The following ROBO2 variants were observed in gnomAD, a reference collection of about 807,000 sequenced individuals.
ROBO2 encodes the protein roundabout guidance receptor 2, also known as roundabout homolog 2.
A neutral mutation model predicts 160.8 loss-of-function variants in ROBO2; 53 were observed. That is an observed-to-expected ratio of 0.33 (90% CI 0.26 to 0.41). The LOEUF is 0.41. Ranked by LOEUF, ROBO2 falls within the 10% of genes least tolerant of loss-of-function variation. The probability of loss-of-function intolerance (pLI) is 1.00; values close to 1 mark genes in which losing one functional copy is unlikely to be tolerated. For synonymous variants in ROBO2, 664 were observed against 611.7 expected (o/e 1.09, Z -1.26); for missense variants, 1,577 against 1,722.4 (o/e 0.92, Z 1.49).
intron 2 of ROBO2, among the ~76,000 whole-genome samples, chr3:76,917,213 T>C (rs2076375675): frequency 1.3e-5 from 2 of 152,160 alleles, no homozygotes; most frequent in African/African-American, 4.8e-5. Flanking sequence ...AAGCCTCCCA[T>C]TAAAGAAGAA....
chr3:77,493,222 T>G, intron 4 of ROBO2, 22 bp from the exon 5 acceptor site: 1 of 1,611,374 alleles, frequency 6.2e-7, no homozygotes, highest in Non-Finnish European at 8.5e-7. Context: ...CATTTTACCA[T>G]TGTTTCATTT....
At chr3:76,322,821 T>A (rs2072679031) in intron 2 of ROBO2, among the ~76,000 whole-genome samples, 2 of 152,174 alleles carry the variant, frequency 1.3e-5, no homozygotes, top group African/African-American at 4.8e-5. Flanking sequence ...GCAACCTTCT[T>A]ATCCATATCT....
intron 2 of ROBO2, among the ~76,000 whole-genome samples, chr3:76,536,665 C>A (rs1012117842): frequency 6.6e-6 from 1 of 152,080 alleles, no homozygotes; most frequent in Non-Finnish European, 1.5e-5. Context: ...GAAGGTCTGG[C>A]TCATGACGCT....
At chr3:76,955,489 G>T (rs564664981) in intron 2 of ROBO2, among the ~76,000 whole-genome samples, 1 of 152,162 alleles carries the variant, frequency 6.6e-6, no homozygotes, top group East Asian at 1.9e-4. Flanking sequence ...GGGTTCCAAT[G>T]TTTCCACATC....
At position 76,314,393 on chromosome 3, in the gene ROBO2, G is replaced by A. The variant is rs142366526; in HGVS notation, c.109+376791G>A. On this transcript the variant is annotated intron_variant, in intron 2 of 26. Transcript: ENST00000487694. ...ATAACTCTACAGAAAAGTTTACAATGCAGATGTTCAATATATACAACAAAA... is the reference window on the plus strand; with the variant it reads ...ATAACTCTACAGAAAAGTTTACAATACAGATGTTCAATATATACAACAAAA... 7.9e-3 allele frequency among the ~76,000 whole-genome samples: 1,209 copies of A among 152,090 alleles called. 4 individuals carry two copies. Among genetic ancestry groups the A allele is most frequent in the South Asian group, 0.019 (93 of 4,814 alleles).
chr3:75,997,490 TCATC>T (rs2065761291), intron 2 of ROBO2, among the ~76,000 whole-genome samples: 1 of 117,256 alleles, frequency 8.5e-6, no homozygotes, highest in African/African-American at 2.8e-5. Flanking sequence ...TTTGTTTTGT[TCATC>T]CATTCTTTTT....
At chr3:77,409,065 G>GAAA in intron 2 of ROBO2, among the ~76,000 whole-genome samples, 1 of 147,234 alleles carries the variant, frequency 6.8e-6, no homozygotes, top group African/African-American at 2.5e-5. Context: ...TAAAAGAATT[G>GAAA]TTTATGCTAG....
chr3:77,224,691 C>A (rs1369140748), intron 2 of ROBO2, among the ~76,000 whole-genome samples: 2 of 151,834 alleles, frequency 1.3e-5, no homozygotes, highest in African/African-American at 4.8e-5. Context: ...TAGAACTAAA[C>A]TCCTCAAATG....
At chr3:77,055,354 A>G (rs888673433) in intron 1 of ROBO2, among the ~76,000 whole-genome samples, 3 of 152,172 alleles carry the variant, frequency 2.0e-5, no homozygotes, top group Non-Finnish European at 4.4e-5. Context: ...TATTGATAAA[A>G]GGGCTTTCAT....
intron 20 of ROBO2, among the ~76,000 whole-genome samples, chr3:77,607,055 A>C (rs928201535): frequency 1.3e-5 from 2 of 152,196 alleles, no homozygotes; most frequent in African/African-American, 4.8e-5. Flanking sequence ...GTAATCCTAG[A>C]TATGGCTCAT....
chr3:76,877,504 G>A (rs1219599914), intron 2 of ROBO2, among the ~76,000 whole-genome samples: 1 of 152,192 alleles, frequency 6.6e-6, no homozygotes, highest in East Asian at 1.9e-4. Flanking sequence ...AAACCCAGTA[G>A]TTGATACACA....
intron 2 of ROBO2, among the ~76,000 whole-genome samples, chr3:77,282,989 A>C (rs2060343904): frequency 6.6e-6 from 1 of 152,042 alleles, no homozygotes; most frequent in Non-Finnish European, 1.5e-5. Flanking sequence ...TGCTGATATA[A>C]ACCTGAGAAT....
rs147768714 is a variant in ROBO2, at chr3:77,122,048, C to T, written c.388+23708C>T. Among the ~76,000 whole-genome samples the T allele has an allele frequency of 5.1e-3, 779 of 152,040 alleles. 6 individuals are homozygous for T. The highest frequency in any genetic ancestry group is 0.017 in the Middle Eastern group (5 of 294). ...TAGTTCAATGACCTGGATATTTTTT[C>T]CACTTCACACAATATCTAGAGTGTT... On this transcript the variant is annotated intron_variant, in intron 2 of 25. Coordinates refer to ENST00000461745, the Ensembl canonical transcript of ROBO2.
chr3:76,143,801 G>A (rs971575707), intron 2 of ROBO2, among the ~76,000 whole-genome samples: 2 of 152,128 alleles, frequency 1.3e-5, no homozygotes, highest in East Asian at 1.9e-4. Flanking sequence ...ATCCTCAGTC[G>A]ACAACCTGGG....
chr3:76,029,946 C>T (rs1370521613), intron 2 of ROBO2, among the ~76,000 whole-genome samples: 1 of 152,150 alleles, frequency 6.6e-6, no homozygotes, highest in Non-Finnish European at 1.5e-5. Flanking sequence ...ACCACACTGT[C>T]TTCCACAATG....
intron 2 of ROBO2, among the ~76,000 whole-genome samples, chr3:75,938,873 C>A (rs62269822): frequency 1.3e-5 from 2 of 152,188 alleles, no homozygotes; most frequent in South Asian, 2.1e-4. Context: ...ATATTAGCAT[C>A]TAATAGAATT....
At chr3:77,527,862 A>G (rs1392166035) in intron 6 of ROBO2, among the ~76,000 whole-genome samples, 1 of 151,594 alleles carries the variant, frequency 6.6e-6, no homozygotes, top group Non-Finnish European at 1.5e-5. Context: ...CCAGTATTTT[A>G]GGGATATTTT....
At chr3:76,388,429 G>A (rs889606032) in intron 2 of ROBO2, among the ~76,000 whole-genome samples, 1 of 151,850 alleles carries the variant, frequency 6.6e-6, no homozygotes, top group African/African-American at 2.4e-5. Flanking sequence ...CCGCCGCCAC[G>A]CCCGGCTAAT....
intron 2 of ROBO2, among the ~76,000 whole-genome samples, chr3:76,941,803 G>C (rs534279866): frequency 2.8e-4 from 43 of 152,240 alleles, no homozygotes; most frequent in African/African-American, 1.0e-3. Flanking sequence ...GTGGTTACCG[G>C]AACATAATCC....
Sources: allele counts gnomAD v4.1 joint callset (sites outside exome capture counted in the v4.1 genomes callset), GRCh38; gene constraint gnomAD v4.1.1; transcripts MANE v1.5; gene names NCBI Gene and HGNC (gene_info 2026-07-23, HGNC 2026-07-21).